ST6GALNAC5: variants seen among roughly 807,000 people sequenced by gnomAD.
ST6GALNAC5 encodes the protein ST6 N-acetylgalactosaminide alpha-2,6-sialyltransferase 5, also known as alpha-N-acetylgalactosaminide alpha-2,6-sialyltransferase 5.
A neutral mutation model predicts 33.6 loss-of-function variants in ST6GALNAC5; 27 were observed. The ratio of observed to expected loss-of-function variants is 0.80; its 90% CI spans 0.59 to 1.11. The LOEUF is 1.11. Among genes scored for constraint, ST6GALNAC5 ranks in the 50% least tolerant of loss-of-function variants. ST6GALNAC5 has a pLI of 0.00. For missense variants in ST6GALNAC5, 428 were observed against 454.0 expected, an observed-to-expected ratio of 0.94 and a Z score of 0.52; for synonymous variants, 194 against 171.2, an observed-to-expected ratio of 1.13 and a Z score of -1.04.
intron 1 of ST6GALNAC5, 61 bp downstream of exon 1, chr1:76,867,751 G>C (rs1454955370): frequency 1.2e-5 from 20 of 1,613,378 alleles, no homozygotes; most frequent in Admixed American, 3.3e-5. Context: ...CAGGGTCCAC[G>C]GGACGCACCG....
chr1:76,904,459 A>C (rs1421517366), intron 2 of ST6GALNAC5, among the ~76,000 whole-genome samples: 1 of 152,216 alleles, frequency 6.6e-6, no homozygotes, highest in Non-Finnish European at 1.5e-5. Context: ...ATGGAATACC[A>C]TATGGCAACA....
At chr1:76,971,941 T>C in intron 2 of ST6GALNAC5, among the ~76,000 whole-genome samples, 1 of 152,288 alleles carries the variant, frequency 6.6e-6, no homozygotes, top group South Asian at 2.1e-4. Context: ...ATTCATCCAG[T>C]TTCCATCCCT....
At chr1:76,974,509 T>C (rs1253671750) in intron 2 of ST6GALNAC5, among the ~76,000 whole-genome samples, 4 of 151,994 alleles carry the variant, frequency 2.6e-5, no homozygotes, top group African/African-American at 9.7e-5. Flanking sequence ...GCTTCTTTTG[T>C]ATTCTTTAGA....
Position 77,063,391 on chromosome 1 carries a change from A to G in ST6GALNAC5, c.*185A>G. The stretch of plus-strand genomic sequence containing the variant: ...GTTGGATTGTAAGGAAAAATTCCGG[A>G]ATTAATGCATCCTAATGAATGTTGT... On this transcript the variant is annotated 3_prime_UTR_variant, in exon 5 of 5. Transcript: ENST00000477717. 1 of 598,400 alleles carries G rather than the reference A, an allele frequency of 1.7e-6. No homozygotes were observed. 37.1% of individuals were successfully genotyped at this position (598,400 alleles called of 1,614,324 possible). A position where few individuals can be genotyped will look rare whatever the true frequency, so the allele number is the denominator to read the frequency against.
Position 76,970,102 on chromosome 1 carries a change from A to G in ST6GALNAC5, c.262-74102A>G, listed in dbSNP as rs1027491467. 1.6e-4 allele frequency among the ~76,000 whole-genome samples: 25 copies of G among 152,154 alleles called. 1 individual carries two copies. The highest frequency in any genetic ancestry group is 2.8e-4 in the Non-Finnish European group (19 of 68,034). On this transcript the variant is annotated intron_variant, in intron 2 of 4. Transcript: ENST00000477717. ...AAAACCAAAAAGATGAGGAGAAACC[A>G]GAGCAGAAAAGCTGAAAACTCTGAA...
intron 2 of ST6GALNAC5, among the ~76,000 whole-genome samples, chr1:76,942,951 C>T (rs1647389819): frequency 6.6e-6 from 1 of 151,936 alleles, no homozygotes; most frequent in Non-Finnish European, 1.5e-5. Flanking sequence ...TATTTTGAGC[C>T]ATAACAAATT....
chr1:76,992,724 A>G (rs1051432719), intron 2 of ST6GALNAC5, among the ~76,000 whole-genome samples: 6 of 152,176 alleles, frequency 3.9e-5, no homozygotes, highest in African/African-American at 1.4e-4. Context: ...CAAACTCCTG[A>G]GCTCAAGTTA....
chr1:76,993,518 G>A (rs1649814947), intron 2 of ST6GALNAC5, among the ~76,000 whole-genome samples: 1 of 152,134 alleles, frequency 6.6e-6, no homozygotes, highest in Admixed American at 6.5e-5. Context: ...ATGGAGTATT[G>A]CAGCACTATT....
chr1:77,021,696 T>C (rs557043549), intron 2 of ST6GALNAC5, among the ~76,000 whole-genome samples: 87 of 152,332 alleles, frequency 5.7e-4, no homozygotes, highest in African/African-American at 1.9e-3. Flanking sequence ...CTCTGATTGC[T>C]TTTTCTTCTT....
chr1:76,887,599 T>C (rs991825676), intron 2 of ST6GALNAC5, among the ~76,000 whole-genome samples: 10 of 152,216 alleles, frequency 6.6e-5, no homozygotes, highest in Non-Finnish European at 1.5e-4. Context: ...ATTGCTTTAT[T>C]CAGTAATTAT....
intron 4 of ST6GALNAC5, among the ~76,000 whole-genome samples, chr1:77,053,073 A>G (rs1265214563): frequency 6.6e-6 from 1 of 152,168 alleles, no homozygotes; most frequent in Admixed American, 6.5e-5. Context: ...AGCTTTTGCA[A>G]TCTTCATCTA....
intron 2 of ST6GALNAC5, among the ~76,000 whole-genome samples, chr1:77,010,307 C>G (rs1650585129): frequency 1.3e-5 from 2 of 152,046 alleles, no homozygotes; most frequent in Admixed American, 6.6e-5. Context: ...CCAGCCTGAC[C>G]AACATGGTGA....
chr1:76,868,775 C>G lies in ST6GALNAC5; in HGVS notation c.261+33C>G. On this transcript the variant is annotated intron_variant, in intron 2 of 4. Coordinates refer to ENST00000477717, the MANE Select transcript of ST6GALNAC5 (RefSeq NM_030965.3). The surrounding 1 kb of genome is among the most constrained non-coding windows in gnomAD (Gnocchi z 4.3). ...CATGCCCGCCAGCCCGCTCGCCACT[C>G]AGCCTGGGGATCCCGCACACCTGAG... The G allele has an allele frequency of 6.8e-7, 1 of 1,464,984 alleles. No homozygotes were observed. The highest frequency in any genetic ancestry group is 9.0e-7 in the Non-Finnish European group (1 of 1,114,168). 90.7% of individuals were successfully genotyped at this position (1,464,984 alleles called of 1,614,324 possible).
intron 2 of ST6GALNAC5, among the ~76,000 whole-genome samples, chr1:77,002,608 G>C (rs1176117068): frequency 6.6e-6 from 1 of 150,580 alleles, no homozygotes; most frequent in African/African-American, 2.4e-5. Context: ...GATCTTTCCT[G>C]CTTTCTCTTG....
intron 2 of ST6GALNAC5, among the ~76,000 whole-genome samples, chr1:76,925,426 C>G (rs1360108780): frequency 6.6e-6 from 1 of 152,086 alleles, no homozygotes; most frequent in Non-Finnish European, 1.5e-5. Context: ...GCTGAGAGGA[C>G]CAGAGCTGAG....
At chr1:77,042,699 C>T (rs1221904914) in intron 2 of ST6GALNAC5, among the ~76,000 whole-genome samples, 27 of 152,210 alleles carry the variant, frequency 1.8e-4, no homozygotes, top group Admixed American at 1.6e-3. Flanking sequence ...CTATGACAAT[C>T]CTATGCTAAA....
intron 2 of ST6GALNAC5, among the ~76,000 whole-genome samples, chr1:76,901,809 T>C (rs1646819792): frequency 6.6e-6 from 1 of 152,242 alleles, no homozygotes. Flanking sequence ...CTTTATTTTA[T>C]AGTTGATTTT....
intron 3 of ST6GALNAC5, among the ~76,000 whole-genome samples, chr1:77,048,722 T>C (rs1399698270): frequency 2.6e-5 from 4 of 152,214 alleles, no homozygotes; most frequent in African/African-American, 7.2e-5. Context: ...TTATTTACCT[T>C]GATTGCTCAA....
intron 2 of ST6GALNAC5, among the ~76,000 whole-genome samples, chr1:76,997,181 A>G (rs1406007828): frequency 6.6e-6 from 1 of 152,174 alleles, no homozygotes; most frequent in African/African-American, 2.4e-5. Flanking sequence ...AGAAAAATAA[A>G]CCTGTTGAGT....
Sources: gnomAD v4.1 joint callset for allele counts (sites outside exome capture counted in the v4.1 genomes callset) on GRCh38, gnomAD v4.1.1 for gene constraint, Gnocchi (gnomAD v3.1) non-coding constraint, MANE v1.5 for transcripts, NCBI Gene and HGNC (gene_info 2026-07-23, HGNC 2026-07-21) for gene names.